Variants in CDH13 observed in about 807,000 individuals in gnomAD.
CDH13 encodes cadherin-13.
Under a neutral mutation model 63.8 loss-of-function variants are expected in CDH13, and 24 were observed. That is an observed-to-expected ratio of 0.38 (90% CI 0.27 to 0.53). CDH13 has a LOEUF of 0.53. Among genes scored for constraint, CDH13 ranks in the 20% least tolerant of loss-of-function variants. The pLI is 0.85. For missense variants in CDH13, 1,049 were observed against 903.1 expected, an observed-to-expected ratio of 1.16 and a Z score of -2.07; for synonymous variants, 503 against 355.3, an observed-to-expected ratio of 1.42 and a Z score of -4.67.
At chr16:83,229,200 A>C (rs2151800857) in intron 5 of CDH13, among the ~76,000 whole-genome samples, 1 of 152,286 alleles carries the variant, frequency 6.6e-6, no homozygotes, top group South Asian at 2.1e-4. Flanking sequence ...TATTTGAGCA[A>C]GTCAACAATA....
chr16:83,022,486 C>T (rs1160286260), intron 2 of CDH13, among the ~76,000 whole-genome samples: 1 of 152,178 alleles, frequency 6.6e-6, no homozygotes, highest in African/African-American at 2.4e-5. Flanking sequence ...ACATTGGTAC[C>T]TTGAAATAAA....
intron 7 of CDH13, among the ~76,000 whole-genome samples, chr16:83,527,100 C>T (rs570153824): frequency 6.6e-6 from 1 of 151,640 alleles, no homozygotes. Flanking sequence ...CACTGCCCTG[C>T]AGCCTGGGCA....
At chr16:83,791,220 G>A (rs1177145502) in intron 13 of CDH13, among the ~76,000 whole-genome samples, 1 of 152,194 alleles carries the variant, frequency 6.6e-6, no homozygotes, top group Non-Finnish European at 1.5e-5. Context: ...ATGTGGACCA[G>A]GCACGGTGGC....
chr16:82,984,366 A>C (rs1296633042), intron 2 of CDH13, among the ~76,000 whole-genome samples: 1 of 152,226 alleles, frequency 6.6e-6, no homozygotes, highest in Non-Finnish European at 1.5e-5. Flanking sequence ...CAATGTGTTT[A>C]AGACAATGTA....
chr16:83,177,081 G>C lies in CDH13; in HGVS notation c.484-40264G>C, dbSNP rs542807158. On this transcript the variant is annotated intron_variant, in intron 4 of 13. Coordinates refer to ENST00000567109, the MANE Select transcript of CDH13 (RefSeq NM_001257.5). Reference sequence around the variant, plus strand: ...AGCACTGACCACATCTGGCTGCTGAGGACTTGAGATGTGGCTGGTGTGACC... The same window carrying C: ...AGCACTGACCACATCTGGCTGCTGACGACTTGAGATGTGGCTGGTGTGACC... Among the ~76,000 whole-genome samples, 4 of 152,250 alleles carry C rather than the reference G, an allele frequency of 2.6e-5. No homozygotes were observed. In the South Asian group the frequency reaches 6.2e-4, roughly 24 times the overall value.
At chr16:83,159,365 C>T (rs1350773841) in intron 4 of CDH13, among the ~76,000 whole-genome samples, 1 of 152,202 alleles carries the variant, frequency 6.6e-6, no homozygotes, top group Non-Finnish European at 1.5e-5. Flanking sequence ...GCTGAATCCA[C>T]AGTTTTATTT....
chr16:83,263,102 A>C (rs1259402690), intron 5 of CDH13, among the ~76,000 whole-genome samples: 1 of 152,248 alleles, frequency 6.6e-6, no homozygotes, highest in Non-Finnish European at 1.5e-5. Flanking sequence ...ATAAACAAGG[A>C]GGGAGAGATG....
chr16:82,979,476 G>T (rs548377741), intron 2 of CDH13, among the ~76,000 whole-genome samples: 4 of 152,224 alleles, frequency 2.6e-5, no homozygotes, highest in African/African-American at 9.6e-5. Context: ...GATCATGGGG[G>T]TGGTTACCCT....
chr16:83,754,360 A>C (rs1913330178), intron 11 of CDH13, among the ~76,000 whole-genome samples: 1 of 152,174 alleles, frequency 6.6e-6, no homozygotes, highest in African/African-American at 2.4e-5. Flanking sequence ...TTCAATCAAA[A>C]TCCCAGTAGG....
rs902615751 is a variant in CDH13 at position 82,702,205 on chromosome 16, A to T, written c.45+75068A>T. Among the ~76,000 whole-genome samples, 6 of 152,200 alleles carry T rather than the reference A, an allele frequency of 3.9e-5. No homozygotes were observed. The East Asian group carries it at 1.2e-3, about 30-fold the overall frequency. On this transcript the variant is annotated intron_variant, in intron 1 of 13. Transcript: ENST00000567109. ...GAAACACCCTCTGTGGCTGTTGCAG[A>T]TGTGTTCACTCTGTAAACGCAGCTC...
intron 2 of CDH13, among the ~76,000 whole-genome samples, chr16:82,936,895 C>A (rs2042685884): frequency 6.6e-6 from 1 of 152,006 alleles, no homozygotes; most frequent in African/African-American, 2.4e-5. Flanking sequence ...CCAGAGTTCA[C>A]CTTTGAAGAC....
intron 5 of CDH13, among the ~76,000 whole-genome samples, chr16:83,338,964 A>T (rs1342672407): frequency 6.6e-6 from 1 of 152,214 alleles, no homozygotes; most frequent in Non-Finnish European, 1.5e-5. Context: ...GGGTGACATA[A>T]ATCAATAAAC....
intron 2 of CDH13, among the ~76,000 whole-genome samples, chr16:83,009,001 G>T (rs562035480): frequency 6.6e-6 from 1 of 152,178 alleles, no homozygotes; most frequent in Non-Finnish European, 1.5e-5. Flanking sequence ...AAAACCATCA[G>T]ATCTCGTGAG....
At position 83,505,030 on chromosome 16, in the gene CDH13, C is replaced by T. The variant is rs527834080; in HGVS notation, c.960+18375C>T. On this transcript the variant is annotated intron_variant, in intron 7 of 13. Coordinates refer to ENST00000567109, the MANE Select transcript of CDH13 (RefSeq NM_001257.5). Reference sequence around the variant, plus strand: ...GGGAGGGGTCTGAGAGCATTGATGCCTCATCATAGTCAGCCAGCTGTGGCA... The same window carrying T: ...GGGAGGGGTCTGAGAGCATTGATGCTTCATCATAGTCAGCCAGCTGTGGCA... 2.6e-5 allele frequency among the ~76,000 whole-genome samples: 4 copies of T among 152,098 alleles called. No individual in the cohort carries two copies. In the South Asian group the frequency reaches 8.3e-4, roughly 32 times the overall value.
At chr16:83,000,224 T>TTA (rs1912735455) in intron 2 of CDH13, among the ~76,000 whole-genome samples, 2 of 34,644 alleles carry the variant, frequency 5.8e-5, no homozygotes, top group African/African-American at 3.1e-4. Flanking sequence ...GTTTAGCTTA[T>TTA]TTTTTTTTTT....
In CDH13 at chr16:83,093,294, C is replaced by CTT. The variant is rs549590536; in HGVS notation, c.367-32054_367-32053dup. On this transcript the variant is annotated intron_variant, in intron 3 of 13. Coordinates refer to ENST00000567109, the MANE Select transcript of CDH13 (RefSeq NM_001257.5). ...TTGTCCTGTGGAAACACCATAAGTA[C>CTT]TTTTTTTTTTTTTTTTTTTTTTTTT... 8.2e-4 allele frequency among the ~76,000 whole-genome samples: 29 copies of CTT among 35,328 alleles called. 7 individuals are homozygous for CTT. The highest frequency in any genetic ancestry group is 1.2e-3 in the Non-Finnish European group (21 of 17,920). 23.2% of individuals were successfully genotyped at this position (35,328 alleles called of 152,430 possible).
At chr16:83,636,913 C>A (rs1356841087) in intron 8 of CDH13, among the ~76,000 whole-genome samples, 13 of 152,278 alleles carry the variant, frequency 8.5e-5, no homozygotes, top group Non-Finnish European at 1.8e-4. Context: ...CTAGTTCTAC[C>A]AACATCTGTA....
chr16:82,946,922 A>G lies in CDH13; in HGVS notation c.158-85088A>G, dbSNP rs550394446. On this transcript the variant is annotated intron_variant, in intron 2 of 13. Coordinates refer to ENST00000567109, the MANE Select transcript of CDH13 (RefSeq NM_001257.5). ...TTTAAAATGCATATATATTTATTAG[A>G]AAGGATGCCATAACAGATTGGATAC... Among the ~76,000 whole-genome samples the G allele has an allele frequency of 5.9e-5, 9 of 152,220 alleles. No homozygotes were observed. In the South Asian group the frequency reaches 1.9e-3, roughly 32 times the overall value.
intron 8 of CDH13, among the ~76,000 whole-genome samples, chr16:83,662,733 C>G (rs558081013): frequency 1.2e-3 from 176 of 152,336 alleles, no homozygotes; most frequent in African/African-American, 4.1e-3. Context: ...AAAGGGACCA[C>G]TCACCTGATG....
Sources: allele counts gnomAD v4.1 joint callset (sites outside exome capture counted in the v4.1 genomes callset), GRCh38; gene constraint gnomAD v4.1.1; transcripts MANE v1.5; gene names NCBI Gene and HGNC (gene_info 2026-07-23, HGNC 2026-07-21).